Variants in BLTP3B observed in about 807,000 individuals in gnomAD.
BLTP3B encodes the protein UHRF1 (ICBP90) binding protein 1-like.
At chr12:100,072,294 C>A in the BLTP3B span, among the ~76,000 whole-genome samples, 1,179 of 151,052 alleles carry the variant, frequency 7.8e-3, 12 homozygotes, top group African/African-American at 0.027. Flanking sequence ...AACGAAAAAA[C>A]CTCATGATTC....
the BLTP3B span, among the ~76,000 whole-genome samples, chr12:100,106,613 T>C: frequency 6.6e-6 from 1 of 151,968 alleles, no homozygotes; most frequent in East Asian, 1.9e-4. Flanking sequence ...TGGGTAGGGG[T>C]AGGAGAGGGA....
chr12:100,047,281 T>C, the BLTP3B span, among the ~76,000 whole-genome samples: 5 of 152,090 alleles, frequency 3.3e-5, no homozygotes, highest in Non-Finnish European at 7.4e-5. Context: ...GTAGATAACC[T>C]GAAGTCAGGA....
At chr12:100,081,580 CAAGT>C in the BLTP3B span, among the ~76,000 whole-genome samples, 1 of 152,308 alleles carries the variant, frequency 6.6e-6, no homozygotes, top group African/African-American at 2.4e-5. Context: ...CCTCCACCCT[CAAGT>C]AAGACCCCAT....
At chr12:100,063,593 C>A in the BLTP3B span, among the ~76,000 whole-genome samples, 1 of 151,790 alleles carries the variant, frequency 6.6e-6, no homozygotes, top group Non-Finnish European at 1.5e-5. Context: ...GTAATCCCAA[C>A]TACTCGGGAG....
the BLTP3B span, chr12:100,051,126 C>G: frequency 1.9e-6 from 3 of 1,614,054 alleles, no homozygotes; most frequent in Non-Finnish European, 2.5e-6. Flanking sequence ...GTACTGATGG[C>G]ATCTGGAGAA....
the BLTP3B span, chr12:100,057,450 T>C: frequency 1.8e-6 from 1 of 552,514 alleles, no homozygotes; most frequent in Non-Finnish European, 2.8e-6. Flanking sequence ...TTTTTAGTTA[T>C]GTTCAGTAAC....
At chr12:100,131,355 A>T in the BLTP3B span, among the ~76,000 whole-genome samples, 8 of 151,232 alleles carry the variant, frequency 5.3e-5, no homozygotes, top group South Asian at 6.2e-4. Context: ...AAATATATAT[A>T]TTTTTAATTT....
chr12:100,070,537 A>T, the BLTP3B span, among the ~76,000 whole-genome samples: 1 of 152,152 alleles, frequency 6.6e-6, no homozygotes, highest in Non-Finnish European at 1.5e-5. Flanking sequence ...GATTACAGGC[A>T]TGAGCCACTG....
the BLTP3B span, among the ~76,000 whole-genome samples, chr12:100,108,861 C>T: frequency 6.6e-6 from 1 of 152,184 alleles, no homozygotes; most frequent in South Asian, 2.1e-4. Context: ...AAAATTAAAA[C>T]AATTGAATAC....
chr12:100,068,583 A>C, the BLTP3B span, among the ~76,000 whole-genome samples: 1 of 152,244 alleles, frequency 6.6e-6, no homozygotes, highest in African/African-American at 2.4e-5. Flanking sequence ...AACTCTTCAC[A>C]ATCTATATAC....
At chr12:100,037,902 GA>G in the BLTP3B span, 24 of 650,772 alleles carry the variant, frequency 3.7e-5, no homozygotes, top group African/African-American at 4.2e-4. Flanking sequence ...ACTGCTTTGA[GA>G]CAACATTTGG....
the BLTP3B span, chr12:100,092,815 G>A: frequency 1.3e-6 from 1 of 798,510 alleles, no homozygotes; most frequent in Admixed American, 6.3e-5. Flanking sequence ...TAACAGAATA[G>A]TATTTATGTC....
the BLTP3B span, chr12:100,108,571 A>G: frequency 6.3e-7 from 1 of 1,583,946 alleles, no homozygotes; most frequent in South Asian, 1.2e-5. Context: ...ACACATTGAC[A>G]TTTATTTATG....
At chr12:100,108,356 AAT>A in the BLTP3B span, 1 of 1,588,980 alleles carries the variant, frequency 6.3e-7, no homozygotes, top group Non-Finnish European at 8.5e-7. Context: ...GCCTTCCACA[AAT>A]ATCAAGCCAC....
chr12:100,091,311 C>T, the BLTP3B span, among the ~76,000 whole-genome samples: 1 of 150,526 alleles, frequency 6.6e-6, no homozygotes, highest in Non-Finnish European at 1.5e-5. Context: ...GCCTCAGCCT[C>T]CAGAGTAGCT....
At chr12:100,091,824 T>A in the BLTP3B span, among the ~76,000 whole-genome samples, 2 of 150,512 alleles carry the variant, frequency 1.3e-5, no homozygotes, top group African/African-American at 2.4e-5. Context: ...TTTTTTTTTT[T>A]AGACAGAGTC....
chr12:100,098,651 C>CAA, the BLTP3B span: 3 of 1,196,486 alleles, frequency 2.5e-6, no homozygotes, highest in Non-Finnish European at 3.4e-6. Flanking sequence ...CCTGTACTCC[C>CAA]AGCACTTTGG....
At chr12:100,070,268 G>GT in the BLTP3B span, 4 of 1,337,138 alleles carry the variant, frequency 3.0e-6, no homozygotes, top group South Asian at 5.2e-5. Flanking sequence ...ATGCCAGAAG[G>GT]TTTTTTATTT....
At chr12:100,092,066 C>T in the BLTP3B span, among the ~76,000 whole-genome samples, 27 of 152,260 alleles carry the variant, frequency 1.8e-4, no homozygotes, top group African/African-American at 6.5e-4. Context: ...GCCTCAGCCT[C>T]CCAAAGTACT....
Sources: allele counts gnomAD v4.1 joint callset (sites outside exome capture counted in the v4.1 genomes callset), GRCh38; gene constraint gnomAD v4.1.1; transcripts MANE v1.5; gene names NCBI Gene and HGNC (gene_info 2026-07-23, HGNC 2026-07-21).